KLF12: variants seen among roughly 807,000 people sequenced by gnomAD.
KLF12 encodes the protein Krueppel-like factor 12.
In KLF12, 9 loss-of-function variants were observed where a neutral mutation model predicts 37.8. The observed-to-expected ratio is 0.24, with a 90% CI of 0.14 to 0.42. KLF12 has a LOEUF of 0.42. KLF12 is among the 10% of genes least tolerant of loss of function. The probability of loss-of-function intolerance (pLI) is 1.00; values close to 1 mark genes in which losing one functional copy is unlikely to be tolerated. For synonymous variants in KLF12, 208 were observed against 202.1 expected (o/e 1.03, Z -0.25); for missense variants, 411 against 516.0 (o/e 0.80, Z 1.97).
intron 2 of KLF12, among the ~76,000 whole-genome samples, chr13:73,984,260 G>A (rs1419813611): frequency 3.3e-5 from 5 of 152,174 alleles, no homozygotes; most frequent in African/African-American, 1.2e-4. Context: ...CACCCTGGCG[G>A]GACTCGGGGC....
intron 2 of KLF12, among the ~76,000 whole-genome samples, chr13:73,964,130 G>C (rs1891106995): frequency 6.6e-6 from 1 of 152,128 alleles, no homozygotes; most frequent in African/African-American, 2.4e-5. Context: ...TACCATTCAT[G>C]ACCTTCCATC....
chr13:74,000,000 T>C (rs1218343869), intron 1 of KLF12, among the ~76,000 whole-genome samples: 24 of 152,116 alleles, frequency 1.6e-4, no homozygotes, highest in Non-Finnish European at 5.9e-5. Flanking sequence ...CTGGGGTAAG[T>C]TGTTTCCATT....
intron 5 of KLF12, among the ~76,000 whole-genome samples, chr13:73,768,448 T>C (rs768452092): frequency 1.1e-4 from 17 of 152,136 alleles, no homozygotes; most frequent in Non-Finnish European, 2.1e-4. Context: ...ACTGTGCTTA[T>C]ACAACTTTAC....
intron 1 of KLF12, among the ~76,000 whole-genome samples, chr13:74,103,723 C>T (rs1566213882): frequency 6.6e-6 from 1 of 152,156 alleles, no homozygotes; most frequent in African/African-American, 2.4e-5. Flanking sequence ...AGACAACTTC[C>T]AGGTCACTAT....
At chr13:73,871,880 C>T (rs2138878997) in intron 3 of KLF12, among the ~76,000 whole-genome samples, 1 of 152,250 alleles carries the variant, frequency 6.6e-6, no homozygotes, top group Non-Finnish European at 1.5e-5. Flanking sequence ...AGACGGCGAG[C>T]TCCTTGTAGT....
intron 6 of KLF12, among the ~76,000 whole-genome samples, chr13:73,754,230 A>T (rs190833375): frequency 7.2e-5 from 11 of 152,064 alleles, no homozygotes; most frequent in East Asian, 1.9e-4. Context: ...CTTTCCATTT[A>T]AAAAAATGCT....
chr13:74,224,573 A>G, the KLF12 span, among the ~76,000 whole-genome samples: 1 of 152,278 alleles, frequency 6.6e-6, no homozygotes, highest in African/African-American at 2.4e-5. Context: ...CCTCAGTTTT[A>G]TTACATACGT....
chr13:73,713,194 G>A (rs572446976), intron 7 of KLF12, among the ~76,000 whole-genome samples: 1 of 152,280 alleles, frequency 6.6e-6, no homozygotes, highest in South Asian at 2.1e-4. Context: ...CGGGGCCAGT[G>A]AGTGAAAATT....
chr13:73,908,511 C>T (rs111496952), intron 3 of KLF12, among the ~76,000 whole-genome samples: 7,169 of 149,098 alleles, frequency 0.048, 415 homozygotes, highest in African/African-American at 0.14. Context: ...GATGGAGTTT[C>T]GCTCCGTTGC....
At chr13:74,181,201 T>C in the KLF12 span, among the ~76,000 whole-genome samples, 6 of 151,964 alleles carry the variant, frequency 3.9e-5, no homozygotes. Flanking sequence ...GGTCTCACCA[T>C]GCTGGCCAGG....
At chr13:74,162,498 C>T in the KLF12 span, among the ~76,000 whole-genome samples, 1 of 152,146 alleles carries the variant, frequency 6.6e-6, no homozygotes, top group African/African-American at 2.4e-5. Context: ...GGAGTAAATC[C>T]CAACAACCTG....
At chr13:74,127,164 C>T (rs1002202279) in intron 1 of KLF12, among the ~76,000 whole-genome samples, 5 of 152,164 alleles carry the variant, frequency 3.3e-5, no homozygotes, top group African/African-American at 9.7e-5. Context: ...CCACCAAACC[C>T]GGCCTGAATG....
intron 5 of KLF12, among the ~76,000 whole-genome samples, chr13:73,765,460 T>C (rs948843656): frequency 2.7e-4 from 41 of 152,112 alleles, no homozygotes; most frequent in African/African-American, 9.7e-4. Context: ...AACAACGTTA[T>C]TCAAATGTGC....
At chr13:73,896,484 TCTGA>T (rs886202430) in intron 3 of KLF12, among the ~76,000 whole-genome samples, 1 of 152,160 alleles carries the variant, frequency 6.6e-6, no homozygotes, top group Non-Finnish European at 1.5e-5. Context: ...CCTCCAAGTC[TCTGA>T]CTGAGACATT....
In KLF12 at chr13:73,870,239, A is replaced by G. The variant is rs1041429532; in HGVS notation, c.124-23866T>C. ...CAGAGCACAGCGTCAGTTTTCCCTGATTGCTTCATTTCTCATTTGGCAAAC... is the reference window on the plus strand; with the variant it reads ...CAGAGCACAGCGTCAGTTTTCCCTGGTTGCTTCATTTCTCATTTGGCAAAC... On this transcript the variant is annotated intron_variant, in intron 3 of 7. Transcript: ENST00000377669. 2.0e-4 allele frequency among the ~76,000 whole-genome samples: 31 copies of G among 152,298 alleles called. 1 individual carries two copies. The highest frequency in any genetic ancestry group is 6.0e-4 in the African/African-American group (25 of 41,564).
chr13:73,961,071 A>G (rs1891009936), intron 2 of KLF12, among the ~76,000 whole-genome samples: 1 of 152,180 alleles, frequency 6.6e-6, no homozygotes, highest in Non-Finnish European at 1.5e-5. Flanking sequence ...AAAAAGATTT[A>G]CACTTGTCAG....
rs1290931876 is a variant in KLF12, at chr13:73,686,773, GCT to G, written c.*8715_*8716del. On this transcript the variant is annotated 3_prime_UTR_variant, in exon 8 of 8. Transcript: ENST00000377669. ...CATCTATTCAATTTGCTGTTCAGAG[GCT>G]TCAAGCCTAGAATAACTGTTTTGTA... 3.3e-5 allele frequency: 5 copies of G among 152,120 alleles called. No individual in the cohort carries two copies. Among genetic ancestry groups the G allele is most frequent in the African/African-American group, 1.2e-4 (5 of 41,410 alleles). 9.4% of individuals were successfully genotyped at this position (152,120 alleles called of 1,614,324 possible).
chr13:74,087,478 A>G (rs934997881), intron 1 of KLF12, among the ~76,000 whole-genome samples: 15 of 152,152 alleles, frequency 9.9e-5, no homozygotes, highest in Admixed American at 5.9e-4. Flanking sequence ...AGTCAAGGAC[A>G]GCTGCACGAT....
chr13:74,244,080 A>AT, the KLF12 span, among the ~76,000 whole-genome samples: 2 of 152,144 alleles, frequency 1.3e-5, no homozygotes, highest in Non-Finnish European at 2.9e-5. Context: ...CTGTGGTTGA[A>AT]TTTTTTGTTT....
Sources: gnomAD v4.1 joint callset for allele counts (sites outside exome capture counted in the v4.1 genomes callset) on GRCh38, gnomAD v4.1.1 for gene constraint, MANE v1.5 for transcripts, NCBI Gene and HGNC (gene_info 2026-07-23, HGNC 2026-07-21) for gene names.